CDH12: variants seen among roughly 807,000 people sequenced by gnomAD.
CDH12 encodes cadherin 12, also known as cadherin-12.
In CDH12, 41 loss-of-function variants were observed where a neutral mutation model predicts 74.1. The observed-to-expected ratio is 0.55, with a 90% CI of 0.43 to 0.72. CDH12 has a LOEUF of 0.72. Among genes scored for constraint, CDH12 ranks in the 30% least tolerant of loss-of-function variants. The pLI is 0.00. For synonymous variants in CDH12, 399 were observed against 355.0 expected (o/e 1.12, Z -1.39); for missense variants, 945 against 977.2 (o/e 0.97, Z 0.44).
intron 1 of CDH12, among the ~76,000 whole-genome samples, chr5:22,566,586 T>C (rs1739297749): frequency 6.6e-6 from 1 of 152,138 alleles, no homozygotes. Flanking sequence ...TTGGCTGTGA[T>C]TGGCATAAAC....
At chr5:22,583,806 G>T (rs762813330) in intron 1 of CDH12, among the ~76,000 whole-genome samples, 1 of 152,054 alleles carries the variant, frequency 6.6e-6, no homozygotes, top group Non-Finnish European at 1.5e-5. Flanking sequence ...AATCAATAAA[G>T]ATAATATAGT....
intron 1 of CDH12, among the ~76,000 whole-genome samples, chr5:22,801,415 G>T (rs1166317895): frequency 6.6e-6 from 1 of 151,836 alleles, no homozygotes; most frequent in Non-Finnish European, 1.5e-5. Context: ...GCTATTAAGG[G>T]CATCAACTTT....
intron 1 of CDH12, among the ~76,000 whole-genome samples, chr5:22,818,685 G>A (rs1749513902): frequency 6.6e-6 from 1 of 152,116 alleles, no homozygotes; most frequent in Non-Finnish European, 1.5e-5. Flanking sequence ...GTTGGAGAGA[G>A]ATTAAGCAAG....
At chr5:22,450,677 TA>T (rs1745006299) in intron 2 of CDH12, among the ~76,000 whole-genome samples, 2 of 151,926 alleles carry the variant, frequency 1.3e-5, no homozygotes, top group South Asian at 4.1e-4. Context: ...TTTAGTATTT[TA>T]AAACATACAT....
chr5:22,461,237 AG>A (rs1745504980), intron 2 of CDH12, among the ~76,000 whole-genome samples: 1 of 151,662 alleles, frequency 6.6e-6, no homozygotes, highest in Non-Finnish European at 1.5e-5. Flanking sequence ...CATGCTGGCC[AG>A]GGTGGTCTCG....
At chr5:22,283,238 A>G (rs1736984612) in intron 3 of CDH12, among the ~76,000 whole-genome samples, 1 of 138,644 alleles carries the variant, frequency 7.2e-6, no homozygotes, top group South Asian at 2.2e-4. Context: ...ATATATATAT[A>G]TATATATATA....
intron 1 of CDH12, among the ~76,000 whole-genome samples, chr5:22,572,970 T>G (rs927059762): frequency 1.1e-4 from 16 of 152,186 alleles, no homozygotes; most frequent in Non-Finnish European, 2.2e-4. Flanking sequence ...TTTGGGAAAC[T>G]GAAATGCTTT....
At chr5:22,586,489 A>AT (rs1228533390) in intron 1 of CDH12, among the ~76,000 whole-genome samples, 5 of 107,080 alleles carry the variant, frequency 4.7e-5, no homozygotes, top group African/African-American at 7.1e-5. Context: ...AAGTATAATA[A>AT]AATATATATA....
chr5:21,755,609 A>T lies in CDH12; in HGVS notation c.1867T>A (p.Cys623Ser). 8 of 1,614,028 alleles carry T rather than the reference A, an allele frequency of 5.0e-6. No individual in the cohort carries two copies. Among genetic ancestry groups the T allele is most frequent in the Non-Finnish European group, 6.8e-6 (8 of 1,179,934 alleles). ...STGALIAILL[C>S]IVILLAIVVL... ...AACCAACCTAAGAGTATAACAATGC[A>T]TAGTAGAATTGCAATCAACGCCCCA... is the stretch of plus-strand genomic sequence containing the variant. The change falls in exon 14 of 15, where the codon TGC becomes AGC. Residue 623 changes from cysteine (C) to serine (S), a missense_variant. Coordinates refer to ENST00000382254, the MANE Select transcript of CDH12 (RefSeq NM_004061.5).
intron 1 of CDH12, among the ~76,000 whole-genome samples, chr5:22,560,010 T>A (rs1258262934): frequency 6.6e-6 from 1 of 152,170 alleles, no homozygotes; most frequent in East Asian, 1.9e-4. Flanking sequence ...GAAAGCTGAA[T>A]CTGAAAGGAC....
At chr5:22,757,278 G>A (rs746298398) in intron 1 of CDH12, among the ~76,000 whole-genome samples, 6 of 152,102 alleles carry the variant, frequency 3.9e-5, no homozygotes, top group Admixed American at 6.5e-5. Context: ...GTGTTTAAAT[G>A]TTTGCGTTGG....
chr5:22,590,330 T>C lies in CDH12; in HGVS notation c.-522-84966A>G, dbSNP rs181772281. 2.0e-5 allele frequency among the ~76,000 whole-genome samples: 3 copies of C among 152,232 alleles called. No homozygotes were observed. The East Asian group carries it at 5.8e-4, about 29-fold the overall frequency. Reference sequence around the variant, plus strand: ...AACATTTTTAAAAGTACAAACCTTATACACCTAGTATATCTATATTGGTAT... The same window carrying C: ...AACATTTTTAAAAGTACAAACCTTACACACCTAGTATATCTATATTGGTAT... On this transcript the variant is annotated intron_variant, in intron 1 of 14. Coordinates refer to ENST00000382254, the MANE Select transcript of CDH12 (RefSeq NM_004061.5).
chr5:22,399,649 G>A (rs563442711), intron 3 of CDH12, among the ~76,000 whole-genome samples: 33 of 152,228 alleles, frequency 2.2e-4, no homozygotes, highest in East Asian at 7.7e-4. Flanking sequence ...AACAGATGGT[G>A]TAACATGAAT....
At chr5:21,770,460 C>T (rs1007377391) in intron 11 of CDH12, among the ~76,000 whole-genome samples, 59 of 151,852 alleles carry the variant, frequency 3.9e-4, no homozygotes, top group African/African-American at 1.4e-3. Context: ...CCCATCTCTA[C>T]TAGAAATACA....
At chr5:21,759,368 TA>T (rs1337290760) in intron 13 of CDH12, among the ~76,000 whole-genome samples, 1 of 151,902 alleles carries the variant, frequency 6.6e-6, no homozygotes, top group Non-Finnish European at 1.5e-5. Context: ...AGTCTTTAAG[TA>T]GCAAATTCTC....
chr5:22,328,285 A>T (rs1197406184), intron 3 of CDH12, among the ~76,000 whole-genome samples: 1 of 152,180 alleles, frequency 6.6e-6, no homozygotes, highest in Non-Finnish European at 1.5e-5. Context: ...TTATTGTCAA[A>T]TTGCTTCATT....
intron 3 of CDH12, among the ~76,000 whole-genome samples, chr5:22,348,408 T>G (rs1740216846): frequency 6.6e-6 from 1 of 152,212 alleles, no homozygotes; most frequent in African/African-American, 2.4e-5. Flanking sequence ...CAAAATGCAA[T>G]GCTAATTTGA....
chr5:21,786,236 C>T (rs776055092), intron 10 of CDH12, among the ~76,000 whole-genome samples: 1 of 152,188 alleles, frequency 6.6e-6, no homozygotes, highest in Non-Finnish European at 1.5e-5. Flanking sequence ...TCACCGCAAC[C>T]TCTGCCTCCC....
At chr5:21,765,646 T>C (rs1167013975) in intron 11 of CDH12, among the ~76,000 whole-genome samples, 1 of 151,992 alleles carries the variant, frequency 6.6e-6, no homozygotes, top group Non-Finnish European at 1.5e-5. Flanking sequence ...CTAGTATACT[T>C]CCTTAAATTA....
Sources: gnomAD v4.1 joint callset for allele counts (sites outside exome capture counted in the v4.1 genomes callset) on GRCh38, gnomAD v4.1.1 for gene constraint, MANE v1.5 for transcripts, NCBI Gene and HGNC (gene_info 2026-07-23, HGNC 2026-07-21) for gene names.